Variants in SLC35F4 observed in about 807,000 individuals in gnomAD.
The protein encoded by SLC35F4 is solute carrier family 35 member F4, also known as chromosome 14 open reading frame 36.
A neutral mutation model predicts 44.2 loss-of-function variants in SLC35F4; 24 were observed. The ratio of observed to expected loss-of-function variants is 0.54; its 90% confidence interval spans 0.39 to 0.76. The LOEUF is 0.76. Among genes scored for constraint, SLC35F4 ranks in the 30% least tolerant of loss-of-function variants. The probability of loss-of-function intolerance (pLI) is 0.00; values close to 1 mark genes in which losing one functional copy is unlikely to be tolerated. For synonymous variants in SLC35F4, 238 were observed against 223.6 expected (o/e 1.06, Z -0.57); for missense variants, 562 against 586.1 (o/e 0.96, Z 0.42).
intron 1 of SLC35F4, among the ~76,000 whole-genome samples, chr14:57,613,728 C>G (rs192204483): frequency 5.0e-4 from 76 of 152,324 alleles, no homozygotes; most frequent in African/African-American, 1.7e-3. Context: ...CACAGCACAG[C>G]TGAAAGAGCC....
intron 1 of SLC35F4, among the ~76,000 whole-genome samples, chr14:57,689,317 G>C (rs1485147987): frequency 6.6e-6 from 1 of 151,960 alleles, no homozygotes; most frequent in Non-Finnish European, 1.5e-5. Flanking sequence ...ATTTCTTCTG[G>C]AGTCTATCCC....
At chr14:57,566,360 C>T in intron 7 of SLC35F4, 115 bp downstream of exon 7, 1 of 958,194 alleles carries the variant, frequency 1.0e-6, no homozygotes, top group Admixed American at 2.5e-5. Flanking sequence ...AAAACATCTT[C>T]CCAGGCAAGG....
intron 1 of SLC35F4, among the ~76,000 whole-genome samples, chr14:57,616,167 G>A (rs2071808195): frequency 6.6e-6 from 1 of 152,066 alleles, no homozygotes; most frequent in Non-Finnish European, 1.5e-5. Flanking sequence ...TCCATCTCCA[G>A]AACTTTTTCA....
intron 1 of SLC35F4, among the ~76,000 whole-genome samples, chr14:57,750,233 A>T (rs753171127): frequency 6.6e-6 from 1 of 152,032 alleles, no homozygotes; most frequent in Non-Finnish European, 1.5e-5. Flanking sequence ...TCTTTTTTTT[A>T]GTCTGAATAG....
At chr14:57,578,167 G>T (rs1386345747) in intron 4 of SLC35F4, among the ~76,000 whole-genome samples, 1 of 151,610 alleles carries the variant, frequency 6.6e-6, no homozygotes, top group Non-Finnish European at 1.5e-5. Context: ...ATTAGAAGTA[G>T]GGAAGGCCAT....
intron 1 of SLC35F4, among the ~76,000 whole-genome samples, chr14:57,944,734 AG>A (rs1889986414): frequency 6.7e-6 from 1 of 149,768 alleles, no homozygotes; most frequent in Non-Finnish European, 1.5e-5. Flanking sequence ...AAAGAAAGAA[AG>A]AAAGAAAGAA....
intron 1 of SLC35F4, among the ~76,000 whole-genome samples, chr14:57,896,084 G>C (rs1279295863): frequency 6.6e-6 from 1 of 152,118 alleles, no homozygotes; most frequent in Non-Finnish European, 1.5e-5. Context: ...GAACACTAGT[G>C]CTTGTCAGAT....
intron 1 of SLC35F4, among the ~76,000 whole-genome samples, chr14:57,914,285 C>T (rs1325220664): frequency 2.6e-5 from 4 of 152,090 alleles, no homozygotes; most frequent in African/African-American, 7.2e-5. Context: ...CAGTCTCAGC[C>T]GGGCATGGTG....
At chr14:57,822,345 A>G (rs557687789) in intron 1 of SLC35F4, among the ~76,000 whole-genome samples, 1 of 152,316 alleles carries the variant, frequency 6.6e-6, no homozygotes, top group Non-Finnish European at 1.5e-5. Context: ...ACACTAAAAT[A>G]AGATTCAAAA....
intron 1 of SLC35F4, among the ~76,000 whole-genome samples, chr14:57,779,084 A>T (rs1209991604): frequency 6.6e-6 from 1 of 152,048 alleles, no homozygotes; most frequent in Non-Finnish European, 1.5e-5. Flanking sequence ...AGAAGCAACT[A>T]ATCCCAAAGC....
chr14:57,754,297 G>T (rs1014937126), intron 1 of SLC35F4, among the ~76,000 whole-genome samples: 3 of 151,784 alleles, frequency 2.0e-5, no homozygotes, highest in Non-Finnish European at 4.4e-5. Context: ...TAGAGATGGG[G>T]TTTCACCATG....
chr14:57,794,254 A>G (rs2077999916), intron 1 of SLC35F4, among the ~76,000 whole-genome samples: 1 of 152,200 alleles, frequency 6.6e-6, no homozygotes, highest in African/African-American at 2.4e-5. Flanking sequence ...CAACAGAGTA[A>G]ACACACAACC....
chr14:57,588,050 G>T (rs1295319325), intron 3 of SLC35F4, among the ~76,000 whole-genome samples: 2 of 132,186 alleles, frequency 1.5e-5, no homozygotes, highest in African/African-American at 5.7e-5. Flanking sequence ...GCCAGGCATG[G>T]TGGCGGGCGC....
chr14:57,667,354 GTACTT>G (rs1360885070), intron 1 of SLC35F4, among the ~76,000 whole-genome samples: 5 of 151,012 alleles, frequency 3.3e-5, no homozygotes, highest in Admixed American at 1.3e-4. Context: ...TATTTTTACT[GTACTT>G]TAAGTTTTAG....
At chr14:57,611,260 G>A (rs1292319887) in intron 1 of SLC35F4, among the ~76,000 whole-genome samples, 1 of 152,214 alleles carries the variant, frequency 6.6e-6, no homozygotes, top group Non-Finnish European at 1.5e-5. Context: ...AGCCAGATCT[G>A]TTTTGAGGGG....
chr14:57,622,700 G>A (rs1396376850), intron 1 of SLC35F4, among the ~76,000 whole-genome samples: 4 of 151,992 alleles, frequency 2.6e-5, no homozygotes, highest in African/African-American at 9.7e-5. Flanking sequence ...GGATAGCATT[G>A]GGAGATATAC....
chr14:57,564,968 A>C (rs1390576804), intron 7 of SLC35F4, among the ~76,000 whole-genome samples: 2 of 152,148 alleles, frequency 1.3e-5, no homozygotes, highest in Non-Finnish European at 2.9e-5. Flanking sequence ...TGCCTATTCT[A>C]GTTATTTTAT....
At chr14:57,605,252 T>C (rs1432367468) in intron 1 of SLC35F4, among the ~76,000 whole-genome samples, 1 of 151,634 alleles carries the variant, frequency 6.6e-6, no homozygotes, top group African/African-American at 2.4e-5. Context: ...GGAACTCAAA[T>C]CAACAAGAAA....
At chr14:57,822,712 G>A (rs1187252615) in intron 1 of SLC35F4, among the ~76,000 whole-genome samples, 1 of 152,072 alleles carries the variant, frequency 6.6e-6, no homozygotes, top group African/African-American at 2.4e-5. Context: ...TCTCTCCTAG[G>A]GTTCTGATTA....
Sources: allele counts gnomAD v4.1 joint callset (sites outside exome capture counted in the v4.1 genomes callset), GRCh38; gene constraint gnomAD v4.1.1; transcripts MANE v1.5; gene names NCBI Gene and HGNC (gene_info 2026-07-23, HGNC 2026-07-21).